Variants in TRHDE observed in about 807,000 individuals in gnomAD.
TRHDE encodes the protein thyrotropin-releasing hormone-degrading ectoenzyme.
TRHDE carries 72 observed loss-of-function variants against 125.7 expected under a neutral mutation model. The observed-to-expected ratio is 0.57, with a 90% CI of 0.47 to 0.70. The LOEUF (loss-of-function observed/expected upper bound fraction) is 0.70, where lower values mean the gene tolerates loss of function less well. TRHDE is among the 30% of genes least tolerant of loss of function. The probability of loss-of-function intolerance (pLI) is 0.00; values close to 1 mark genes in which losing one functional copy is unlikely to be tolerated. For synonymous variants in TRHDE, 509 were observed against 509.1 expected, an observed-to-expected ratio of 1.00 and a Z score of 0.00; for missense variants, 1,110 against 1,327.1, an observed-to-expected ratio of 0.84 and a Z score of 2.54.
chr12:72,235,467 A>G (rs945481853), intron 2 of TRHDE, among the ~76,000 whole-genome samples: 13 of 152,166 alleles, frequency 8.5e-5, no homozygotes, highest in African/African-American at 3.1e-4. Flanking sequence ...TGCACTCTTA[A>G]CCATACTACG....
intron 2 of TRHDE, among the ~76,000 whole-genome samples, chr12:72,158,145 G>A (rs921787724): frequency 1.3e-5 from 2 of 152,108 alleles, no homozygotes; most frequent in Non-Finnish European, 2.9e-5. Context: ...CTGACGGAGA[G>A]GGTTTGGGAA....
chr12:72,661,785 T>G (rs1874928391), intron 18 of TRHDE, among the ~76,000 whole-genome samples: 1 of 152,124 alleles, frequency 6.6e-6, no homozygotes, highest in Non-Finnish European at 1.5e-5. Flanking sequence ...AAATGCCATA[T>G]CAGTTTTAAG....
At chr12:72,308,797 G>A (rs1461137178) in intron 2 of TRHDE, among the ~76,000 whole-genome samples, 1 of 152,094 alleles carries the variant, frequency 6.6e-6, no homozygotes, top group East Asian at 1.9e-4. Context: ...GGTATGATAT[G>A]AAGTTATACC....
chr12:72,332,062 T>C (rs1456536047), intron 2 of TRHDE, among the ~76,000 whole-genome samples: 2 of 152,114 alleles, frequency 1.3e-5, no homozygotes, highest in East Asian at 3.9e-4. Context: ...CTTACAATCA[T>C]AGCAGAAGGT....
At chr12:72,182,286 A>C (rs1877110151) in intron 2 of TRHDE, among the ~76,000 whole-genome samples, 2 of 152,204 alleles carry the variant, frequency 1.3e-5, no homozygotes, top group Admixed American at 1.3e-4. Context: ...AGTTGATTTA[A>C]ACTGAACCAG....
chr12:72,561,046 CAA>C (rs1337575728), intron 7 of TRHDE, among the ~76,000 whole-genome samples: 34 of 152,132 alleles, frequency 2.2e-4, no homozygotes. Flanking sequence ...TGTTTTTTAA[CAA>C]AGTTATTCAT....
At chr12:72,262,429 GTTAAAA>G (rs1013820486) in intron 2 of TRHDE, 5 of 152,102 alleles carry the variant, frequency 3.3e-5, no homozygotes, top group African/African-American at 9.7e-5. Flanking sequence ...TAATCATAGT[GTTAAAA>G]TTAAATGTTT....
intron 3 of TRHDE, among the ~76,000 whole-genome samples, chr12:72,433,094 A>G (rs1012367507): frequency 6.6e-6 from 1 of 152,156 alleles, no homozygotes; most frequent in African/African-American, 2.4e-5. Context: ...TATATAGTGT[A>G]TTACAGTAAT....
chr12:72,253,690 C>T (rs758135936), intron 2 of TRHDE: 1 of 152,164 alleles, frequency 6.6e-6, no homozygotes, highest in East Asian at 1.9e-4. Context: ...TTTAAAGACA[C>T]TCTTCATTAA....
intron 3 of TRHDE, among the ~76,000 whole-genome samples, chr12:72,458,080 A>AC (rs559830946): frequency 3.5e-4 from 53 of 152,108 alleles, no homozygotes; most frequent in African/African-American, 1.3e-3. Flanking sequence ...GATTATGAGA[A>AC]CCCCTAACAG....
intron 2 of TRHDE, among the ~76,000 whole-genome samples, chr12:72,170,860 T>C (rs890906645): frequency 1.3e-5 from 2 of 152,112 alleles, no homozygotes; most frequent in Non-Finnish European, 2.9e-5. Flanking sequence ...AAATAGTAAA[T>C]AGGAAAACTC....
intron 2 of TRHDE, among the ~76,000 whole-genome samples, chr12:72,192,458 A>G (rs1007987376): frequency 2.6e-5 from 4 of 152,128 alleles, no homozygotes; most frequent in Non-Finnish European, 5.9e-5. Flanking sequence ...CCGAGACCCA[A>G]TGCCAACTCA....
intron 3 of TRHDE, among the ~76,000 whole-genome samples, chr12:72,464,655 G>T (rs1393058714): frequency 6.6e-6 from 1 of 152,122 alleles, no homozygotes; most frequent in Admixed American, 6.5e-5. Context: ...AAGAAGAAGG[G>T]CTAATCTGAG....
chr12:72,475,782 A>G (rs1876863449), intron 5 of TRHDE, among the ~76,000 whole-genome samples: 1 of 152,220 alleles, frequency 6.6e-6, no homozygotes, highest in South Asian at 2.1e-4. Context: ...ATGAAAACTA[A>G]CAACAGAATA....
At chr12:72,379,459 G>A (rs1458018307) in intron 3 of TRHDE, among the ~76,000 whole-genome samples, 1 of 152,150 alleles carries the variant, frequency 6.6e-6, no homozygotes, top group Non-Finnish European at 1.5e-5. Flanking sequence ...AGGCAGAAAG[G>A]AATACTTGAC....
chr12:72,636,057 G>C (rs1203838998), intron 15 of TRHDE, among the ~76,000 whole-genome samples: 1 of 151,242 alleles, frequency 6.6e-6, no homozygotes, highest in Non-Finnish European at 1.5e-5. Context: ...TTGGTAGCTT[G>C]ATGGGGATGG....
intron 6 of TRHDE, among the ~76,000 whole-genome samples, chr12:72,508,478 G>A (rs1318480670): frequency 2.0e-5 from 3 of 152,174 alleles, no homozygotes; most frequent in African/African-American, 7.2e-5. Flanking sequence ...CTGGGTTTCA[G>A]ACTTACATGG....
intron 2 of TRHDE, among the ~76,000 whole-genome samples, chr12:72,189,171 G>T (rs1877288140): frequency 6.6e-6 from 1 of 152,188 alleles, no homozygotes; most frequent in Admixed American, 6.5e-5. Flanking sequence ...ACAGAGTGAA[G>T]AAATCTGATC....
intron 1 of TRHDE, among the ~76,000 whole-genome samples, chr12:72,278,084 C>T (rs187299905): frequency 1.3e-3 from 194 of 152,232 alleles, no homozygotes; most frequent in Non-Finnish European, 1.7e-3. Context: ...CCAGTAACTC[C>T]TCAACTCCAT....
Sources: gnomAD v4.1 joint callset for allele counts (sites outside exome capture counted in the v4.1 genomes callset) on GRCh38, gnomAD v4.1.1 for gene constraint, MANE v1.5 for transcripts, NCBI Gene and HGNC (gene_info 2026-07-23, HGNC 2026-07-21) for gene names.